The following ROCK1 variants were observed in gnomAD, a reference collection of about 807,000 sequenced individuals.
ROCK1 encodes Rho associated coiled-coil containing protein kinase 1.
In ROCK1, 36 loss-of-function variants were observed where a neutral mutation model predicts 196.8. That is an observed-to-expected ratio of 0.18 (90% CI 0.14 to 0.24). The LOEUF is 0.24. ROCK1 is among the 10% of genes least tolerant of loss of function. ROCK1 has a pLI of 1.00. For synonymous variants in ROCK1, 443 were observed against 515.9 expected (o/e 0.86, Z 1.91); for missense variants, 920 against 1,562.0 (o/e 0.59, Z 6.93).
chr18:21,005,269 A>T (rs1371006203), intron 16 of ROCK1, among the ~76,000 whole-genome samples: 1 of 152,234 alleles, frequency 6.6e-6, no homozygotes, highest in Non-Finnish European at 1.5e-5. Flanking sequence ...ATTCACAAAG[A>T]CTGTCAATAT....
chr18:21,103,467 T>A (rs535307050), intron 1 of ROCK1, among the ~76,000 whole-genome samples: 48 of 151,838 alleles, frequency 3.2e-4, no homozygotes, highest in African/African-American at 6.3e-4. Flanking sequence ...TTTTATTATT[T>A]TTTTTTTTTG....
At chr18:21,061,262 T>C (rs1469588302) in intron 2 of ROCK1, among the ~76,000 whole-genome samples, 1 of 152,078 alleles carries the variant, frequency 6.6e-6, no homozygotes, top group African/African-American at 2.4e-5. Context: ...TATTTTTTAA[T>C]ACAGACGGGG....
At chr18:21,092,630 G>T (rs2036581146) in intron 1 of ROCK1, among the ~76,000 whole-genome samples, 1 of 144,474 alleles carries the variant, frequency 6.9e-6, no homozygotes, top group Non-Finnish European at 1.5e-5. Context: ...TTTAGCAAGT[G>T]TCAGAAAATG....
intron 2 of ROCK1, among the ~76,000 whole-genome samples, chr18:21,063,110 A>G (rs904752464): frequency 1.5e-4 from 23 of 152,308 alleles, no homozygotes; most frequent in African/African-American, 5.3e-4. Flanking sequence ...AAGAGCATAC[A>G]TGCACAAGAG....
chr18:21,009,572 G>C (rs79059382), intron 13 of ROCK1, among the ~76,000 whole-genome samples: 3 of 152,142 alleles, frequency 2.0e-5, no homozygotes, highest in Admixed American at 6.5e-5. Context: ...ACATGCCCAA[G>C]AATACAATTG....
chr18:21,086,881 T>C (rs2036532710), intron 1 of ROCK1, among the ~76,000 whole-genome samples: 1 of 151,054 alleles, frequency 6.6e-6, no homozygotes, highest in Admixed American at 6.6e-5. Flanking sequence ...ATGAAAGAAA[T>C]AAATCTGGTA....
chr18:21,089,080 C>G (rs182608960), intron 1 of ROCK1, among the ~76,000 whole-genome samples: 32 of 151,800 alleles, frequency 2.1e-4, no homozygotes, highest in Admixed American at 1.4e-3. Context: ...GAGTCTTGCT[C>G]TGTTGCCCAG....
chr18:21,020,579 A>T (rs1221736618), intron 11 of ROCK1, among the ~76,000 whole-genome samples: 1 of 152,166 alleles, frequency 6.6e-6, no homozygotes, highest in Non-Finnish European at 1.5e-5. Flanking sequence ...GGTAAATAAT[A>T]AAAAAATTAT....
intron 22 of ROCK1, among the ~76,000 whole-genome samples, chr18:20,977,512 G>A (rs1309356266): frequency 6.6e-6 from 1 of 152,190 alleles, no homozygotes; most frequent in Non-Finnish European, 1.5e-5. Context: ...ATGGTAAGAT[G>A]AGGTATCCTT....
Position 21,013,457 on chromosome 18 carries a change from A to G in ROCK1, c.1410+1974T>C, listed in dbSNP as rs1387015591. On this transcript the variant is annotated intron_variant, in intron 13 of 32. Coordinates refer to ENST00000399799, the MANE Select transcript of ROCK1 (RefSeq NM_005406.3). ...GCTCCTTATGTGGCCCCCACAGATG[A>G]CACTGCATTGTGGAGGGGAGCTTGT... Among the ~76,000 whole-genome samples the G allele has an allele frequency of 3.9e-5, 6 of 152,182 alleles. No homozygotes were observed. The East Asian group carries it at 1.2e-3, about 29-fold the overall frequency.
chr18:21,111,270 G>A lies in ROCK1; in HGVS notation c.-360C>T, dbSNP rs1262506412. On this transcript the variant is annotated 5_prime_UTR_variant, in exon 1 of 33. Transcript: ENST00000399799. The surrounding 1 kb of genome is among the most constrained non-coding windows in gnomAD (Gnocchi z 4.2). ...GGGGTCCCCGTCCCGAGATGGGCAG[G>A]AGCGGGTAGAGAAAGAGAAGCAGGG... 4.2e-6 allele frequency: 2 copies of A among 477,052 alleles called. No homozygotes were observed. The highest frequency in any genetic ancestry group is 7.3e-6 in the Non-Finnish European group (2 of 272,994). 29.6% of individuals were successfully genotyped at this position (477,052 alleles called of 1,614,324 possible).
chr18:21,084,065 A>G (rs1244791614), intron 1 of ROCK1, among the ~76,000 whole-genome samples: 1 of 152,214 alleles, frequency 6.6e-6, no homozygotes, highest in African/African-American at 2.4e-5. Flanking sequence ...GAAAAACTGC[A>G]TATCCACATG....
chr18:20,967,702 T>A, intron 26 of ROCK1, 50 bp downstream of exon 26: 1 of 1,323,566 alleles, frequency 7.6e-7, no homozygotes, highest in Non-Finnish European at 1.0e-6. Flanking sequence ...AGAAATAATT[T>A]AAGAAAATAA....
chr18:21,041,900 T>C (rs1323406133), intron 8 of ROCK1, among the ~76,000 whole-genome samples, 197 bp downstream of exon 8: 3 of 152,196 alleles, frequency 2.0e-5, no homozygotes, highest in Admixed American at 6.5e-5. Flanking sequence ...GACTGTATTA[T>C]TATCACAATT....
At chr18:21,026,445 G>GAAAAACAA (rs2035957204) in intron 10 of ROCK1, among the ~76,000 whole-genome samples, 1 of 35,308 alleles carries the variant, frequency 2.8e-5, no homozygotes, top group African/African-American at 1.1e-4. Flanking sequence ...ACTCTGTCTC[G>GAAAAACAA]AAAAAAAAAA....
intron 2 of ROCK1, among the ~76,000 whole-genome samples, chr18:21,056,530 T>C (rs1043105025): frequency 6.6e-6 from 1 of 152,154 alleles, no homozygotes; most frequent in Non-Finnish European, 1.5e-5. Flanking sequence ...ATTGCTACCA[T>C]GCTAGACCAA....
intron 16 of ROCK1, among the ~76,000 whole-genome samples, chr18:20,999,898 T>C (rs1159982189): frequency 6.6e-6 from 1 of 152,176 alleles, no homozygotes; most frequent in Non-Finnish European, 1.5e-5. Context: ...AATGCTGAGA[T>C]TACAGGCTTG....
rs1211391200 is a variant in ROCK1, at chr18:20,991,238, G to A, written c.2081C>T (p.Thr694Ile). Residue 694 changes from threonine to isoleucine, a missense_variant, in exon 18 of 33, where the codon ACC (threonine) becomes ATC (isoleucine). Physicochemically the swap from Thr to Ile is moderately conservative, Grantham distance 89 (BLOSUM62 -1). Coordinates refer to ENST00000399799, the MANE Select transcript of ROCK1 (RefSeq NM_005406.3). Reference sequence around the variant, plus strand: ...ATGTTTGTCAGTTAAACGAGCTTTGGTTACTTTGTGTTCATTTACCTCTTG... The same window carrying A: ...ATGTTTGTCAGTTAAACGAGCTTTGATTACTTTGTGTTCATTTACCTCTTG... ...LEQEVNEHKV[T>I]KARLTDKHQS... 1 of 1,612,910 alleles carries A rather than the reference G, an allele frequency of 6.2e-7. No individual in the cohort carries two copies.
At chr18:20,985,497 A>C (rs1488980028) in intron 19 of ROCK1, among the ~76,000 whole-genome samples, 2 of 152,186 alleles carry the variant, frequency 1.3e-5, no homozygotes, top group Non-Finnish European at 2.9e-5. Flanking sequence ...TGTAACTCCC[A>C]AATGTGATTA....
Sources: gnomAD v4.1 joint callset for allele counts (sites outside exome capture counted in the v4.1 genomes callset) on GRCh38, gnomAD v4.1.1 for gene constraint, Gnocchi (gnomAD v3.1) non-coding constraint, MANE v1.5 for transcripts, NCBI Gene and HGNC (gene_info 2026-07-23, HGNC 2026-07-21) for gene names.